The following B3GAT2 variants were observed in gnomAD, a reference collection of about 807,000 sequenced individuals.
B3GAT2 encodes the protein beta-1,3-glucuronyltransferase 2, also known as galactosylgalactosylxylosylprotein 3-beta-glucuronosyltransferase 2.
In B3GAT2, 26 loss-of-function variants were observed where a neutral mutation model predicts 27.8. The observed-to-expected ratio is 0.93, with a 90% CI of 0.68 to 1.30. B3GAT2 has a LOEUF of 1.30. B3GAT2 is among the 50% of genes most tolerant of loss of function. B3GAT2 has a pLI of 0.00. For missense variants in B3GAT2, 458 were observed against 459.0 expected, an observed-to-expected ratio of 1.00 and a Z score of 0.02; for synonymous variants, 218 against 195.1, an observed-to-expected ratio of 1.12 and a Z score of -0.98.
At chr6:70,951,502 A>G (rs1765578188) in intron 1 of B3GAT2, among the ~76,000 whole-genome samples, 1 of 152,170 alleles carries the variant, frequency 6.6e-6, no homozygotes, top group African/African-American at 2.4e-5. Flanking sequence ...TATTCACGAG[A>G]CAGAATCATC....
Position 70,857,105 on chromosome 6 carries a change from T to A in B3GAT2, c.*4558A>T. ...TTTGTAATTATATAATAAGATCAAT[T>A]ATATATCTTTTATTGTTCCATGTAG... On this transcript the variant is annotated 3_prime_UTR_variant, in exon 4 of 4. Transcript: ENST00000230053. 7.3e-7 allele frequency: 1 copy of A among 1,378,902 alleles called. No individual in the cohort carries two copies. The highest frequency in any genetic ancestry group is 9.7e-7 in the Non-Finnish European group (1 of 1,032,468). The allele number at this position is 1,378,902 out of a possible 1,614,324, so 85.4% of individuals were successfully genotyped here.
chr6:70,875,221 A>G (rs1771996845), intron 2 of B3GAT2, among the ~76,000 whole-genome samples: 1 of 151,848 alleles, frequency 6.6e-6, no homozygotes. Flanking sequence ...AGAAAAACAA[A>G]ATACTGTAAT....
intron 2 of B3GAT2, among the ~76,000 whole-genome samples, chr6:70,865,409 C>G (rs917848815): frequency 6.6e-6 from 1 of 152,180 alleles, no homozygotes; most frequent in African/African-American, 2.4e-5. Flanking sequence ...TGAGCTACAG[C>G]AGCCAGTCAA....
chr6:70,885,545 C>T (rs1005402749), intron 2 of B3GAT2, among the ~76,000 whole-genome samples: 2 of 152,096 alleles, frequency 1.3e-5, no homozygotes, highest in Non-Finnish European at 2.9e-5. Context: ...GCATGCTGAG[C>T]CAATTCATTG....
intron 1 of B3GAT2, among the ~76,000 whole-genome samples, chr6:70,900,179 G>A (rs1160473912): frequency 6.6e-6 from 1 of 152,156 alleles, no homozygotes; most frequent in Non-Finnish European, 1.5e-5. Context: ...GGCTTGCATA[G>A]CAATGTTAAT....
chr6:70,865,915 G>T (rs1377601621), intron 2 of B3GAT2, among the ~76,000 whole-genome samples: 1 of 152,176 alleles, frequency 6.6e-6, no homozygotes, highest in Non-Finnish European at 1.5e-5. Context: ...TATGTTTTCA[G>T]GCTACACCAC....
intron 1 of B3GAT2, among the ~76,000 whole-genome samples, chr6:70,917,783 CT>C (rs1179277299): frequency 6.6e-6 from 1 of 152,108 alleles, no homozygotes; most frequent in Non-Finnish European, 1.5e-5. Flanking sequence ...AATTTCTGTT[CT>C]TTTATATTTG....
At chr6:70,886,398 T>C (rs530016883) in intron 2 of B3GAT2, among the ~76,000 whole-genome samples, 5 of 152,312 alleles carry the variant, frequency 3.3e-5, no homozygotes, top group African/African-American at 1.2e-4. Flanking sequence ...AAACAATATA[T>C]AATTATTGAG....
At chr6:70,940,840 A>C (rs1317563761) in intron 1 of B3GAT2, among the ~76,000 whole-genome samples, 1 of 152,160 alleles carries the variant, frequency 6.6e-6, no homozygotes, top group East Asian at 1.9e-4. Context: ...AAGCAGGGGA[A>C]TCGCTTCAAT....
chr6:70,932,850 G>A (rs1773081372), intron 1 of B3GAT2, among the ~76,000 whole-genome samples: 1 of 152,068 alleles, frequency 6.6e-6, no homozygotes, highest in Non-Finnish European at 1.5e-5. Context: ...CATCCAGGCT[G>A]GAGTGTAGTG....
At chr6:70,875,943 A>G (rs1290747357) in intron 2 of B3GAT2, among the ~76,000 whole-genome samples, 1 of 152,240 alleles carries the variant, frequency 6.6e-6, no homozygotes, top group Non-Finnish European at 1.5e-5. Context: ...GCAAGGATGG[A>G]AAATCTGATC....
intron 1 of B3GAT2, among the ~76,000 whole-genome samples, chr6:70,945,544 A>G (rs989259885): frequency 7.3e-5 from 11 of 151,626 alleles, no homozygotes; most frequent in African/African-American, 2.7e-4. Context: ...AAAGAAATGA[A>G]CAAAGCCTCC....
At chr6:70,927,833 G>C (rs1335562298) in intron 1 of B3GAT2, among the ~76,000 whole-genome samples, 1 of 152,128 alleles carries the variant, frequency 6.6e-6, no homozygotes, top group Non-Finnish European at 1.5e-5. Context: ...GCACCAAGTG[G>C]ACTTAATAGA....
Position 70,861,952 on chromosome 6 carries a change from A to G in B3GAT2, c.763T>C (p.Leu255=). Residue 255 remains leucine (L), a synonymous_variant, in exon 3 of 4, where the codon TTG becomes CTG. Transcript: ENST00000230053. ...AGFAVSLQVI[L]SNPKAVFKRR... is the part of the protein sequence containing the mutation. ...TTAAATACAGCTTTTGGATTGGACA[A>G]AATGACTTGAAGACTTACAGCAAAT... 1 of 1,613,564 alleles carries G rather than the reference A, an allele frequency of 6.2e-7. No homozygotes were observed. The highest frequency in any genetic ancestry group is 8.5e-7 in the Non-Finnish European group (1 of 1,179,566).
rs1765658018 is a variant in B3GAT2, at chr6:70,956,340, T to C, written c.90A>G (p.Pro30=). ...AGGGGCGCGGGGTGAGCGGGGGCACTGGCCTGCGCGTGTCCACGTCGAGCA... is the reference window on the plus strand; with the variant it reads ...AGGGGCGCGGGGTGAGCGGGGGCACCGGCCTGCGCGTGTCCACGTCGAGCA... The part of the protein sequence containing the change: ...IIMLDVDTRR[P]VPPLTPRPYF... Residue 30 remains proline (P), a synonymous_variant, in exon 1 of 4, where the codon CCA becomes CCG. Transcript: ENST00000230053. 1.3e-6 allele frequency: 2 copies of C among 1,573,550 alleles called. No individual in the cohort carries two copies. The highest frequency in any genetic ancestry group is 1.3e-5 in the African/African-American group (1 of 74,112).
chr6:70,874,533 T>C (rs569984774), intron 2 of B3GAT2, among the ~76,000 whole-genome samples: 2 of 152,310 alleles, frequency 1.3e-5, no homozygotes, highest in Non-Finnish European at 2.9e-5. Context: ...AACAAGCACA[T>C]AGCCCTGGGC....
chr6:70,910,609 T>C (rs879810524), intron 1 of B3GAT2, among the ~76,000 whole-genome samples: 12 of 152,344 alleles, frequency 7.9e-5, no homozygotes, highest in Non-Finnish European at 1.6e-4. Flanking sequence ...ATGTCTTTCC[T>C]ACTGTGAATA....
rs374543746 is a variant in B3GAT2, at chr6:70,923,590, T to C, written c.592-29318A>G. Among the ~76,000 whole-genome samples, 12 of 152,240 alleles carry C rather than the reference T, an allele frequency of 7.9e-5. 1 individual carries two copies. Among genetic ancestry groups the C allele is most frequent in the African/African-American group, 2.9e-4 (12 of 41,552 alleles). ...GCTTGGGATGCTGAGGTGGAAGGAT[T>C]ACTTGAGCCAGGAGGTCAAGCCAGG... On this transcript the variant is annotated intron_variant, in intron 1 of 3. Transcript: ENST00000230053.
intron 1 of B3GAT2, among the ~76,000 whole-genome samples, chr6:70,929,050 G>A (rs1374630868): frequency 6.6e-6 from 1 of 152,188 alleles, no homozygotes; most frequent in African/African-American, 2.4e-5. Context: ...ATGAGTTCAT[G>A]TCCTTTGTAG....
Sources: allele counts gnomAD v4.1 joint callset (sites outside exome capture counted in the v4.1 genomes callset), GRCh38; gene constraint gnomAD v4.1.1; transcripts MANE v1.5; gene names NCBI Gene and HGNC (gene_info 2026-07-23, HGNC 2026-07-21).